Variants in ZFHX3 observed in about 807,000 individuals in gnomAD.
The protein encoded by ZFHX3 is zinc finger homeobox protein 3.
A neutral mutation model predicts 279.1 loss-of-function variants in ZFHX3; 42 were observed. The observed-to-expected ratio is 0.15, with a 90% CI of 0.12 to 0.19. ZFHX3 has a LOEUF of 0.19. Ranked by LOEUF, ZFHX3 falls within the 10% of genes least tolerant of loss-of-function variation. ZFHX3 has a pLI of 1.00. For synonymous variants in ZFHX3, 2,293 were observed against 1,957.8 expected (o/e 1.17, Z -4.52); for missense variants, 4,981 against 4,754.0 (o/e 1.05, Z -1.40).
intron 2 of ZFHX3, among the ~76,000 whole-genome samples, chr16:73,558,880 C>T (rs1389906813): frequency 1.3e-4 from 17 of 130,036 alleles, no homozygotes; most frequent in African/African-American, 4.6e-4. Flanking sequence ...GCCCAGCTCA[C>T]TTTTTTTTAT....
chr16:73,089,471 A>G lies in ZFHX3; in HGVS notation c.-533+3764T>C, dbSNP rs551276994. Among the ~76,000 whole-genome samples, 4 of 152,198 alleles carry G rather than the reference A, an allele frequency of 2.6e-5. No individual in the cohort carries two copies. The South Asian group carries it at 6.2e-4, about 24-fold the overall frequency. ...ATGAACATATTTTTACCGAGGAAAAATCAAACAGCACAGAGCTGGGCCACC... is the reference window on the plus strand; with the variant it reads ...ATGAACATATTTTTACCGAGGAAAAGTCAAACAGCACAGAGCTGGGCCACC... On this transcript the variant is annotated intron_variant, in intron 8 of 17. Transcript: ENST00000641206.
intron 1 of ZFHX3, among the ~76,000 whole-genome samples, chr16:73,890,240 CAAA>C (rs59693506): frequency 0.49 from 63,568 of 130,042 alleles, 15,077 homozygotes; most frequent in Non-Finnish European, 0.59. Context: ...AAAAAAAAAC[CAAA>C]AAAAAAAAAA....
At chr16:72,895,809 G>T (rs1192036937) in intron 3 of ZFHX3, among the ~76,000 whole-genome samples, 1 of 152,172 alleles carries the variant, frequency 6.6e-6, no homozygotes, top group African/African-American at 2.4e-5. Flanking sequence ...GGCTCACAGA[G>T]TGAGACCCTG....
chr16:73,131,642 A>G (rs567526918), intron 6 of ZFHX3, among the ~76,000 whole-genome samples: 1 of 152,310 alleles, frequency 6.6e-6, no homozygotes, highest in South Asian at 2.1e-4. Context: ...GAAAGCATCA[A>G]AGGAGCTTTG....
At chr16:73,133,499 A>G (rs1396076659) in intron 6 of ZFHX3, among the ~76,000 whole-genome samples, 1 of 152,124 alleles carries the variant, frequency 6.6e-6, no homozygotes, top group Non-Finnish European at 1.5e-5. Context: ...ATATGGGTGG[A>G]CCCTAATCCA....
chr16:72,990,727 T>A (rs183450947), intron 1 of ZFHX3, among the ~76,000 whole-genome samples: 1 of 152,256 alleles, frequency 6.6e-6, no homozygotes, highest in Non-Finnish European at 1.5e-5. Flanking sequence ...ATGCCTGTAA[T>A]CCCAGTACTC....
Position 72,906,869 on chromosome 16 carries a change from G to A in ZFHX3, c.3217-16907C>T, listed in dbSNP as rs150054479. 4.4e-3 allele frequency among the ~76,000 whole-genome samples: 670 copies of A among 152,286 alleles called. 2 individuals carry two copies. The highest frequency in any genetic ancestry group is 6.6e-3 in the Non-Finnish European group (446 of 68,020). ...TGAGCAAAATGGTAGGAGTTGGGGA[G>A]GAGCAAAGGAGGTGGGTGGAAGCGA... On this transcript the variant is annotated intron_variant, in intron 3 of 9. Transcript: ENST00000268489.
rs528130184 is a variant in ZFHX3, at chr16:73,398,005, C to T, written c.-1291+57998G>A. Among the ~76,000 whole-genome samples, 24 of 152,178 alleles carry T rather than the reference C, an allele frequency of 1.6e-4. No homozygotes were observed. In the South Asian group the frequency reaches 1.9e-3, roughly 12 times the overall value. ...GATTACAGGTGTCGGCCACCATGCC[C>T]GGCTAATTTTTATATTTTTAGTAAA... On this transcript the variant is annotated intron_variant, in intron 3 of 17. Transcript: ENST00000641206.
Position 72,788,069 on chromosome 16 carries a change from C to A in ZFHX3, c.10207G>T (p.Val3403Phe), listed in dbSNP as rs1403055925. The A allele has an allele frequency of 1.2e-6, 2 of 1,611,846 alleles. No homozygotes were observed. The highest frequency in any genetic ancestry group is 1.7e-6 in the Non-Finnish European group (2 of 1,179,806). ...QQQPKASQTP[V>F]PPGAPSPDKD... ...TCTGGGGAAGGAGCCCCGGGGGGGA[C>A]TGGGGTTTGGCTTGCTTTGGGCTGC... The change falls in exon 10 of 10, where the codon GTC becomes TTC. Residue 3403 changes from valine (V) to phenylalanine (F), a missense_variant. This residue lies in a region of ZFHX3 where 1,034 missense variants were observed against 786.0 expected (regional missense o/e 1.32). Transcript: ENST00000268489.
At chr16:73,709,804 G>A (rs2041862174) in intron 1 of ZFHX3, among the ~76,000 whole-genome samples, 1 of 152,106 alleles carries the variant, frequency 6.6e-6, no homozygotes, top group Non-Finnish European at 1.5e-5. Flanking sequence ...TGGTAAGTAT[G>A]TAAAATAACA....
rs79649913 is a variant in ZFHX3 at position 73,486,618 on chromosome 16, G to A, written c.-1546-30360C>T. On this transcript the variant is annotated intron_variant, in intron 2 of 17. Coordinates refer to the ZFHX3 transcript ENST00000641206. ...GGGTCCCCCACATAAAGATAGACCT[G>A]CATTTATTCCAAACACCAAAATTAA... is the stretch of plus-strand genomic sequence containing the variant. 2.2e-3 allele frequency: 762 copies of A among 340,950 alleles called. 9 individuals are homozygous for A. The highest frequency in any genetic ancestry group is 0.015 in the African/African-American group (724 of 46,746). The allele number at this position is 340,950 out of a possible 1,614,324, so 21.1% of individuals were successfully genotyped here. A position where few individuals can be genotyped will look rare whatever the true frequency, so the allele number is the denominator to read the frequency against.
At chr16:73,070,383 C>A (rs1965807162) in intron 8 of ZFHX3, among the ~76,000 whole-genome samples, 1 of 152,168 alleles carries the variant, frequency 6.6e-6, no homozygotes, top group East Asian at 1.9e-4. Context: ...ACACTCATAG[C>A]ATCTGAGCTT....
At chr16:72,914,721 G>T (rs113822949) in intron 3 of ZFHX3, among the ~76,000 whole-genome samples, 1 of 152,284 alleles carries the variant, frequency 6.6e-6, no homozygotes, top group South Asian at 2.1e-4. Context: ...GCTGGGTGCG[G>T]TGGCTCATGC....
intron 5 of ZFHX3, among the ~76,000 whole-genome samples, chr16:73,182,030 G>A (rs75426755): frequency 2.0e-5 from 3 of 152,212 alleles, no homozygotes; most frequent in African/African-American, 7.2e-5. Context: ...GAGGAGGGCA[G>A]CTTGTTTCAT....
At chr16:73,440,036 C>T (rs934692033) in intron 3 of ZFHX3, among the ~76,000 whole-genome samples, 2 of 150,418 alleles carry the variant, frequency 1.3e-5, no homozygotes, top group Non-Finnish European at 1.5e-5. Context: ...CAGTCAAGTG[C>T]GTTGTTCACA....
At chr16:73,275,799 T>C (rs999793872) in intron 4 of ZFHX3, among the ~76,000 whole-genome samples, 2 of 152,186 alleles carry the variant, frequency 1.3e-5, no homozygotes, top group Non-Finnish European at 2.9e-5. Context: ...TGATGCAGGG[T>C]TGCCACAAAT....
intron 3 of ZFHX3, among the ~76,000 whole-genome samples, chr16:73,399,837 G>GGGGTGTGTGT (rs1555513938): frequency 6.7e-6 from 1 of 148,186 alleles, no homozygotes; most frequent in African/African-American, 2.5e-5. Flanking sequence ...TGTGGTGTGT[G>GGGGTGTGTGT]GTGTGTGTGT....
At chr16:73,052,237 C>T (rs1179815784), upstream of ZFHX3, among the ~76,000 whole-genome samples, 2 of 151,816 alleles carry the variant, frequency 1.3e-5, no homozygotes, top group Admixed American at 6.6e-5. Context: ...AATCCCAACA[C>T]GGTATCCATT....
chr16:73,049,504 G>A (rs1965410854), upstream of ZFHX3, among the ~76,000 whole-genome samples: 1 of 152,188 alleles, frequency 6.6e-6, no homozygotes, highest in Non-Finnish European at 1.5e-5. Flanking sequence ...ATGTAAGTTG[G>A]GTTCAGATTA....
Sources: allele counts gnomAD v4.1 joint callset (sites outside exome capture counted in the v4.1 genomes callset), GRCh38; gene constraint gnomAD v4.1.1; regional missense constraint gnomAD v4.1.1; transcripts MANE v1.5; gene names NCBI Gene and HGNC (gene_info 2026-07-23, HGNC 2026-07-21).